The following GRM8 variants were observed in gnomAD, a reference collection of about 807,000 sequenced individuals.
The protein encoded by GRM8 is glutamate metabotropic receptor 8, also known as metabotropic glutamate receptor 8.
A neutral mutation model predicts 87.2 loss-of-function variants in GRM8; 47 were observed. The ratio of observed to expected loss-of-function variants is 0.54; its 90% confidence interval spans 0.43 to 0.69. The LOEUF is 0.69. Ranked by LOEUF, GRM8 falls within the 30% of genes least tolerant of loss-of-function variation. The probability of loss-of-function intolerance (pLI) is 0.00; values close to 1 mark genes in which losing one functional copy is unlikely to be tolerated. For missense variants in GRM8, 1,019 were observed against 1,139.2 expected (o/e 0.89, Z 1.52); for synonymous variants, 396 against 404.5 (o/e 0.98, Z 0.25).
chr7:126,903,565 T>TACACAC lies in GRM8; in HGVS notation c.1018+401_1018+406dup, dbSNP rs35182354. Reference sequence around the variant, plus strand: ...TAATGGGTCCTCTTTCCTAAATACATACACACACACACACACACACACACA... The same window carrying TACACAC: ...TAATGGGTCCTCTTTCCTAAATACATACACACACACACACACACACACACACACACA... On this transcript the variant is annotated intron_variant, in intron 5 of 10. Transcript: ENST00000339582. Among the ~76,000 whole-genome samples the TACACAC allele has an allele frequency of 2.9e-3, 339 of 118,566 alleles. 9 individuals are homozygous for TACACAC. Among genetic ancestry groups the TACACAC allele is most frequent in the Admixed American group, 4.3e-3 (47 of 10,902 alleles). The allele number at this position is 118,566 out of a possible 152,430, so 77.8% of individuals were successfully genotyped here.
intron 2 of GRM8, among the ~76,000 whole-genome samples, chr7:127,235,271 G>C (rs750632933): frequency 6.6e-6 from 1 of 152,228 alleles, no homozygotes; most frequent in Non-Finnish European, 1.5e-5. Context: ...AATTCACCAA[G>C]TTTAAAATGT....
chr7:126,835,648 G>T (rs1308761565), intron 6 of GRM8, among the ~76,000 whole-genome samples: 1 of 152,200 alleles, frequency 6.6e-6, no homozygotes, highest in Non-Finnish European at 1.5e-5. Flanking sequence ...CAAAGGTTAA[G>T]ATTTATTATG....
intron 7 of GRM8, among the ~76,000 whole-genome samples, chr7:126,615,777 A>G (rs2151120797): frequency 6.6e-6 from 1 of 152,316 alleles, no homozygotes; most frequent in South Asian, 2.1e-4. Context: ...AGAGACAAAG[A>G]AGGCCATTAC....
chr7:126,701,375 A>C (rs1350187974), intron 7 of GRM8, among the ~76,000 whole-genome samples: 1 of 152,182 alleles, frequency 6.6e-6, no homozygotes, highest in Non-Finnish European at 1.5e-5. Context: ...TGTTAAAAGT[A>C]CTTATTAATC....
At chr7:126,951,292 CA>C (rs908081173) in intron 3 of GRM8, among the ~76,000 whole-genome samples, 2 of 152,038 alleles carry the variant, frequency 1.3e-5, no homozygotes, top group African/African-American at 4.8e-5. Context: ...GGGCAGGTGT[CA>C]AAGAGCTGGA....
At chr7:127,142,435 A>G (rs1452604644) in intron 2 of GRM8, among the ~76,000 whole-genome samples, 4 of 152,122 alleles carry the variant, frequency 2.6e-5, no homozygotes, top group Non-Finnish European at 5.9e-5. Flanking sequence ...CACAAAGCCA[A>G]TTTCTCCCAG....
At chr7:127,112,024 CA>C (rs11299403) in intron 2 of GRM8, 110,818 of 147,338 alleles carry the variant, frequency 0.75, 42,124 homozygotes, top group East Asian at 0.91. Context: ...AACTCTGTCT[CA>C]AAAAAAAAAA....
chr7:126,961,482 A>T (rs11563808), intron 3 of GRM8, among the ~76,000 whole-genome samples: 20,993 of 152,180 alleles, frequency 0.14, 1,870 homozygotes, highest in Non-Finnish European at 0.21. Context: ...TTTATGCTAC[A>T]GATACTCATG....
At chr7:127,151,558 G>A (rs1027531677) in intron 2 of GRM8, among the ~76,000 whole-genome samples, 2 of 152,046 alleles carry the variant, frequency 1.3e-5, no homozygotes, top group Non-Finnish European at 2.9e-5. Context: ...CATAGGAGGC[G>A]ATCGGGATGC....
At chr7:126,538,438 C>T (rs1300820712) in intron 8 of GRM8, among the ~76,000 whole-genome samples, 1 of 151,994 alleles carries the variant, frequency 6.6e-6, no homozygotes, top group Non-Finnish European at 1.5e-5. Flanking sequence ...TTTCAGTCTT[C>T]ATTACAGAAC....
At chr7:126,780,689 CTT>C (rs1491134477) in intron 6 of GRM8, among the ~76,000 whole-genome samples, 2 of 17,374 alleles carry the variant, frequency 1.2e-4, no homozygotes, top group African/African-American at 7.6e-4. Context: ...GCCAGTGAGG[CTT>C]AGCAGGGGAA....
chr7:127,120,888 C>A (rs1438822980), intron 2 of GRM8, among the ~76,000 whole-genome samples: 1 of 152,144 alleles, frequency 6.6e-6, no homozygotes. Context: ...GCATCAAATG[C>A]TAGCATGGAG....
chr7:126,533,953 AC>A, intron 8 of GRM8, 66 bp from the exon 9 acceptor site: 1 of 1,185,922 alleles, frequency 8.4e-7, no homozygotes. Flanking sequence ...AATCCTAGCC[AC>A]GGGTTTGTAA....
chr7:127,052,349 C>T (rs1227658421), intron 3 of GRM8, among the ~76,000 whole-genome samples: 1 of 152,204 alleles, frequency 6.6e-6, no homozygotes, highest in African/African-American at 2.4e-5. Context: ...GCATAGGCAA[C>T]AACCTTCTCA....
At chr7:127,155,241 AC>A (rs954052493) in intron 2 of GRM8, among the ~76,000 whole-genome samples, 2 of 152,130 alleles carry the variant, frequency 1.3e-5, no homozygotes, top group African/African-American at 4.8e-5. Context: ...TATCTTTGCC[AC>A]TGTAGCTGGA....
intron 7 of GRM8, among the ~76,000 whole-genome samples, chr7:126,767,302 T>C (rs141951089): frequency 6.6e-6 from 1 of 152,224 alleles, no homozygotes; most frequent in East Asian, 1.9e-4. Context: ...ATACTATACT[T>C]TCAGTGTTAT....
chr7:127,167,602 C>T (rs145099462), intron 2 of GRM8, among the ~76,000 whole-genome samples: 160 of 152,038 alleles, frequency 1.1e-3, no homozygotes, highest in African/African-American at 3.7e-3. Flanking sequence ...TATCCTTTAT[C>T]GGGATCTGTG....
At chr7:126,958,070 G>C (rs1409202358) in intron 3 of GRM8, among the ~76,000 whole-genome samples, 4 of 152,174 alleles carry the variant, frequency 2.6e-5, no homozygotes, top group African/African-American at 9.6e-5. Context: ...TCGGGTCTCA[G>C]GGGTCTCCTC....
chr7:126,690,862 A>G (rs1452622403), intron 7 of GRM8, among the ~76,000 whole-genome samples: 1 of 151,992 alleles, frequency 6.6e-6, no homozygotes, highest in African/African-American at 2.4e-5. Context: ...TCTCTGACCA[A>G]ATGATGGTCA....
Sources: allele counts gnomAD v4.1 joint callset (sites outside exome capture counted in the v4.1 genomes callset), GRCh38; gene constraint gnomAD v4.1.1; transcripts MANE v1.5; gene names NCBI Gene and HGNC (gene_info 2026-07-23, HGNC 2026-07-21).